The following HABP2 variants were observed in gnomAD, a reference collection of about 807,000 sequenced individuals.
The protein encoded by HABP2 is factor VII-activating protease.
HABP2 carries 65 observed loss-of-function variants against 66.5 expected under a neutral mutation model. That is an observed-to-expected ratio of 0.98 (90% confidence interval 0.80 to 1.20). The LOEUF is 1.20. HABP2 is among the 50% of genes most tolerant of loss of function. HABP2 has a pLI of 0.00. For synonymous variants in HABP2, 263 were observed against 253.9 expected (o/e 1.04, Z -0.34); for missense variants, 786 against 691.0 (o/e 1.14, Z -1.54).
chr10:113,578,756 A>G lies in HABP2; in HGVS notation c.698A>G (p.Glu233Gly), dbSNP rs909851850. 35 of 1,612,080 alleles carry G rather than the reference A, an allele frequency of 2.2e-5. No individual in the cohort carries two copies. Among genetic ancestry groups the G allele is most frequent in the Admixed American group, 8.3e-5 (5 of 59,988 alleles). Residue 233 changes from glutamate to glycine, a missense_variant, in exon 7 of 13, where the codon GAG becomes GGG. Physicochemically the swap from Glu to Gly is moderately conservative, Grantham distance 98. Coordinates refer to ENST00000351270, the MANE Select transcript of HABP2 (RefSeq NM_004132.5). Reference sequence around the variant, plus strand: ...CAGGAGAATTACAACATGTTTATGGAGGATGCTGAAACCCATGGGATTGGG... The same window carrying G: ...CAGGAGAATTACAACATGTTTATGGGGGATGCTGAAACCCATGGGATTGGG... ...LLQENYNMFM[E>G]DAETHGIGEH...
Position 113,572,754 on chromosome 10 carries a change from T to C in HABP2, c.107-1535T>C, listed in dbSNP as rs1406764160. On this transcript the variant is annotated intron_variant, in intron 2 of 12. Transcript: ENST00000351270. The stretch of plus-strand genomic sequence containing the variant: ...AAGGTGGCCTCCCCTGGGAGCATTT[T>C]CATAGTGGGGAAAAGCACTTCGGGA... 4 of 448,840 alleles carry C rather than the reference T, an allele frequency of 8.9e-6. No homozygotes were observed. In the Admixed American group the frequency reaches 9.7e-5, roughly 11 times the overall value. 27.8% of individuals were successfully genotyped at this position (448,840 alleles called of 1,614,324 possible).
At position 113,581,870 on chromosome 10, in the gene HABP2, C is replaced by T; in HGVS notation, c.839-6C>T. 1 of 1,613,844 alleles carries T rather than the reference C, an allele frequency of 6.2e-7. No homozygotes were observed. The highest frequency in any genetic ancestry group is 8.5e-7 in the Non-Finnish European group (1 of 1,179,856). On this transcript the variant is annotated splice_polypyrimidine_tract_variant and splice_region_variant and intron_variant, in intron 8 of 12. Transcript: ENST00000351270. ...TAGCACAATTTATCTTTCTTGTGTC[C>T]CACAGACGTTGCCTACCCAGAGGAA...
At chr10:113,557,314 C>G (rs913912638) in intron 1 of HABP2, among the ~76,000 whole-genome samples, 1 of 152,020 alleles carries the variant, frequency 6.6e-6, no homozygotes, top group African/African-American at 2.4e-5. Flanking sequence ...TTTTTTTTAA[C>G]TGATCTGAAG....
At chr10:113,552,343 C>T (rs533730264), upstream of HABP2, among the ~76,000 whole-genome samples, 2 of 152,298 alleles carry the variant, frequency 1.3e-5, no homozygotes, top group African/African-American at 4.8e-5. Context: ...CAAGAACCCA[C>T]ACTTAATAGG....
chr10:113,556,407 C>A lies in HABP2; in HGVS notation c.69+3217C>A, dbSNP rs748900895. On this transcript the variant is annotated intron_variant, in intron 1 of 12. Coordinates refer to ENST00000351270, the MANE Select transcript of HABP2 (RefSeq NM_004132.5). ...TGGCACCATGGAGAGGGGTAGCCAC[C>A]GCTGCTGTTATTAGATGAAGTTTGA... Among the ~76,000 whole-genome samples, 44 of 152,204 alleles carry A rather than the reference C, an allele frequency of 2.9e-4. No homozygotes were observed. In the Middle Eastern group the frequency reaches 0.017, roughly 59 times the overall value.
At chr10:113,556,101 G>A (rs1411605256) in intron 1 of HABP2, among the ~76,000 whole-genome samples, 1 of 152,142 alleles carries the variant, frequency 6.6e-6, no homozygotes, top group East Asian at 1.9e-4. Flanking sequence ...TACATTTCTG[G>A]GCTTTTAAAA....
chr10:113,583,456 TG>T, intron 10 of HABP2, 98 bp downstream of exon 10: 1 of 1,104,982 alleles, frequency 9.0e-7, no homozygotes, highest in East Asian at 2.4e-5. Flanking sequence ...TGCTCTTGAT[TG>T]TTTTTGGTCC....
upstream of HABP2, chr10:113,551,030 A>C (rs962217029): frequency 1.3e-5 from 2 of 152,206 alleles, no homozygotes. Flanking sequence ...TTTCACAAAT[A>C]CTTTTAGTTT....
upstream of HABP2, among the ~76,000 whole-genome samples, chr10:113,551,589 T>C (rs540130268): frequency 4.6e-5 from 7 of 152,238 alleles, no homozygotes; most frequent in African/African-American, 1.4e-4. Flanking sequence ...GTGGATCACC[T>C]GAGGTCAGGA....
chr10:113,564,282 C>T (rs768461658), intron 1 of HABP2, among the ~76,000 whole-genome samples: 7 of 152,082 alleles, frequency 4.6e-5, no homozygotes, highest in Non-Finnish European at 7.4e-5. Context: ...CCTCCTATGA[C>T]ACATGGGAAT....
Position 113,574,307 on chromosome 10 carries a change from A to G in HABP2, c.125A>G (p.Tyr42Cys), listed in dbSNP as rs1352987745. 2 of 1,592,222 alleles carry G rather than the reference A, an allele frequency of 1.3e-6. No homozygotes were observed. Among genetic ancestry groups the G allele is most frequent in the South Asian group, 2.2e-5 (2 of 90,642 alleles). ...CCTGCAGACTGGACCCCTGACCAGT[A>G]TGATTACAGCTACGAGGATTATAAT... ...SLDPDWTPDQ[Y>C]DYSYEDYNQE... is the part of the protein sequence containing the mutation. Residue 42 changes from tyrosine (Y) to cysteine (C), a missense_variant, in exon 3 of 13, where the codon TAT (tyrosine) becomes TGT (cysteine). Physicochemically the swap from Tyr to Cys is radical, Grantham distance 194. Transcript: ENST00000351270.
At chr10:113,588,105 A>C in intron 12 of HABP2, 100 bp from the exon 13 acceptor site, 1 of 940,492 alleles carries the variant, frequency 1.1e-6, no homozygotes, top group Non-Finnish European at 1.6e-6. Context: ...CTGGCAAGGG[A>C]CTCCACCCCA....
In HABP2 at chr10:113,578,337, A is replaced by G. The variant is rs1443562234; in HGVS notation, c.568+192A>G. Among the ~76,000 whole-genome samples the G allele has an allele frequency of 3.9e-5, 6 of 152,162 alleles. No homozygotes were observed. In the East Asian group the frequency reaches 1.2e-3, roughly 29 times the overall value. On this transcript the variant is annotated intron_variant, in intron 6 of 12. Coordinates refer to ENST00000351270, the MANE Select transcript of HABP2 (RefSeq NM_004132.5). ...TAATAAACTGGGGTGTAGTGCAGGC[A>G]AGTCAAACCACTTGGGCATCCCTAG...
chr10:113,565,948 C>T (rs556206436), intron 1 of HABP2, among the ~76,000 whole-genome samples: 4 of 152,178 alleles, frequency 2.6e-5, no homozygotes, highest in Non-Finnish European at 5.9e-5. Flanking sequence ...AGAGTACTAT[C>T]TGTTGATATT....
At chr10:113,558,620 A>G (rs1296458034) in intron 1 of HABP2, among the ~76,000 whole-genome samples, 1 of 152,158 alleles carries the variant, frequency 6.6e-6, no homozygotes, top group East Asian at 1.9e-4. Context: ...CATCCTGGCT[A>G]GGCACCATCT....
At chr10:113,574,157 G>A (rs1367182369) in intron 2 of HABP2, 132 bp from the exon 3 acceptor site, 17 of 623,424 alleles carry the variant, frequency 2.7e-5, no homozygotes, top group Middle Eastern at 5.2e-4. Flanking sequence ...TCACTGTGCA[G>A]AGCTGGAGAG....
At chr10:113,577,921 A>C (rs1845441781) in intron 5 of HABP2, 105 bp from the exon 6 acceptor site, 1 of 1,383,616 alleles carries the variant, frequency 7.2e-7, no homozygotes, top group African/African-American at 1.4e-5. Flanking sequence ...ATCTTTCGCG[A>C]AAGGATGGAC....
At chr10:113,556,934 C>G (rs987751842) in intron 1 of HABP2, among the ~76,000 whole-genome samples, 6 of 150,974 alleles carry the variant, frequency 4.0e-5, no homozygotes, top group African/African-American at 1.5e-4. Flanking sequence ...TGTGAAGCAT[C>G]ATGCCTGGCC....
At position 113,588,700 on chromosome 10, in the gene HABP2, C is replaced by T. The variant is rs1845727828; in HGVS notation, c.*331C>T. The stretch of plus-strand genomic sequence containing the variant: ...ACAGGCATCCTGCAAATGCAGACTC[C>T]AGAATCCCCAGCATCAGCGGGAACC... On this transcript the variant is annotated 3_prime_UTR_variant, in exon 13 of 13. Coordinates refer to ENST00000351270, the MANE Select transcript of HABP2 (RefSeq NM_004132.5). The T allele has an allele frequency of 1.8e-6, 1 of 543,482 alleles. No homozygotes were observed. The highest frequency in any genetic ancestry group is 1.9e-5 in the African/African-American group (1 of 53,170). The allele number at this position is 543,482 out of a possible 1,614,324, so 33.7% of individuals were successfully genotyped here. A position where few individuals can be genotyped will look rare whatever the true frequency, so the allele number is the denominator to read the frequency against.
Sources: allele counts gnomAD v4.1 joint callset (sites outside exome capture counted in the v4.1 genomes callset), GRCh38; gene constraint gnomAD v4.1.1; transcripts MANE v1.5; gene names NCBI Gene and HGNC (gene_info 2026-07-23, HGNC 2026-07-21).